Variants in RBFOX1 observed in about 807,000 individuals in gnomAD.
RBFOX1 encodes RNA binding protein fox-1 homolog 1.
In RBFOX1, 8 loss-of-function variants were observed where a neutral mutation model predicts 57.7. The observed-to-expected ratio is 0.14, with a 90% confidence interval of 0.08 to 0.25. The LOEUF is 0.25. Among genes scored for constraint, RBFOX1 ranks in the 10% least tolerant of loss-of-function variants. The pLI, the probability that RBFOX1 is intolerant of heterozygous loss-of-function variation, is 1.00. For missense variants in RBFOX1, 611 were observed against 548.5 expected, an observed-to-expected ratio of 1.11 and a Z score of -1.14; for synonymous variants, 326 against 222.4, an observed-to-expected ratio of 1.47 and a Z score of -4.15.
At chr16:6,718,433 G>A (rs2065267422) in intron 3 of RBFOX1, among the ~76,000 whole-genome samples, 1 of 152,206 alleles carries the variant, frequency 6.6e-6, no homozygotes, top group Non-Finnish European at 1.5e-5. Context: ...AGTCCACAAG[G>A]TAATGCGAGT....
intron 4 of RBFOX1, among the ~76,000 whole-genome samples, chr16:7,155,675 G>A (rs1279559049): frequency 2.5e-5 from 3 of 118,496 alleles, no homozygotes; most frequent in African/African-American, 1.0e-4. Flanking sequence ...TCAGCCACTT[G>A]CCTTCCTCCC....
chr16:6,349,269 C>T (rs190621546), intron 2 of RBFOX1, among the ~76,000 whole-genome samples: 21 of 152,258 alleles, frequency 1.4e-4, no homozygotes, highest in Non-Finnish European at 2.2e-4. Flanking sequence ...ACCTAGCCGA[C>T]GACTTGAGTG....
At chr16:5,542,580 C>A (rs569088117) in intron 2 of RBFOX1, among the ~76,000 whole-genome samples, 27 of 152,090 alleles carry the variant, frequency 1.8e-4, no homozygotes, top group Non-Finnish European at 3.5e-4. Context: ...TTACTGAATA[C>A]ATCTACCTTG....
At chr16:5,699,051 G>A (rs1025640987) in intron 3 of RBFOX1, among the ~76,000 whole-genome samples, 1 of 143,904 alleles carries the variant, frequency 6.9e-6, no homozygotes, top group Non-Finnish European at 1.5e-5. Flanking sequence ...GCGATGGCAT[G>A]ATCTCGGCTC....
At chr16:5,537,359 T>C (rs1597441436) in intron 2 of RBFOX1, among the ~76,000 whole-genome samples, 1 of 152,210 alleles carries the variant, frequency 6.6e-6, no homozygotes, top group Admixed American at 6.5e-5. Context: ...AAATAGGTAT[T>C]AGTTTTCTAT....
At chr16:6,477,715 G>A (rs1330638875) in intron 2 of RBFOX1, among the ~76,000 whole-genome samples, 3 of 152,164 alleles carry the variant, frequency 2.0e-5, no homozygotes, top group Admixed American at 6.5e-5. Context: ...TTAAAGCCAG[G>A]TGTTGACTTC....
At chr16:5,410,413 G>T (rs1014779884) in intron 1 of RBFOX1, among the ~76,000 whole-genome samples, 7 of 151,950 alleles carry the variant, frequency 4.6e-5, no homozygotes. Flanking sequence ...CATGTCTCTT[G>T]TTGACCAGGG....
rs145698086 is a variant in RBFOX1, at chr16:7,703,296, C to G, written c.996-5760C>G. Among the ~76,000 whole-genome samples the G allele has an allele frequency of 7.2e-4, 109 of 152,334 alleles. No individual in the cohort carries two copies. In the East Asian group the frequency reaches 0.017, roughly 23 times the overall value. ...TGAGACATCCCATTTTGAATGCATA[C>G]TCTGCAGCCCTTCTCTGTGTTGGGA... is the stretch of plus-strand genomic sequence containing the variant. On this transcript the variant is annotated intron_variant, in intron 14 of 15. Coordinates refer to ENST00000550418, the MANE Select transcript of RBFOX1 (RefSeq NM_018723.4).
At chr16:7,112,513 A>T (rs889967635) in intron 4 of RBFOX1, among the ~76,000 whole-genome samples, 1 of 151,992 alleles carries the variant, frequency 6.6e-6, no homozygotes, top group Non-Finnish European at 1.5e-5. Flanking sequence ...AGCCTAACAA[A>T]CATTCTTTTA....
Position 7,126,434 on chromosome 16 carries a change from C to T in RBFOX1, c.27+74336C>T, listed in dbSNP as rs1346369878. On this transcript the variant is annotated intron_variant, in intron 4 of 15. Coordinates refer to ENST00000550418, the MANE Select transcript of RBFOX1 (RefSeq NM_018723.4). ...TGCAGCTCACACAGTAACGTGGCTT[C>T]ACATACAGCTTGGGAAGCACAAAGG... 7 of 228,900 alleles carry T rather than the reference C, an allele frequency of 3.1e-5. No homozygotes were observed. The East Asian group carries it at 5.4e-4, about 18-fold the overall frequency. The allele number at this position is 228,900 out of a possible 1,614,324, so 14.2% of individuals were successfully genotyped here.
At chr16:7,354,041 G>C (rs1474708599) in intron 4 of RBFOX1, among the ~76,000 whole-genome samples, 3 of 151,988 alleles carry the variant, frequency 2.0e-5, no homozygotes, top group African/African-American at 7.2e-5. Context: ...GCATGATCTG[G>C]GCTCGCTGCA....
chr16:6,197,337 C>T (rs1042331252), intron 1 of RBFOX1, among the ~76,000 whole-genome samples: 1 of 152,018 alleles, frequency 6.6e-6, no homozygotes, highest in Admixed American at 6.6e-5. Flanking sequence ...CCCTGGACAC[C>T]CTTCATTCGT....
intron 2 of RBFOX1, among the ~76,000 whole-genome samples, chr16:5,563,854 C>G (rs1416995941): frequency 1.3e-5 from 2 of 152,128 alleles, no homozygotes; most frequent in African/African-American, 4.8e-5. Context: ...CTTCCCATCT[C>G]TAGCTGTTGG....
intron 2 of RBFOX1, among the ~76,000 whole-genome samples, chr16:6,476,011 C>T (rs1409292780): frequency 6.6e-6 from 1 of 152,036 alleles, no homozygotes; most frequent in African/African-American, 2.4e-5. Context: ...TAAACCAAAC[C>T]TTGATGCTTT....
chr16:5,975,403 G>T (rs2060041800), intron 4 of RBFOX1, among the ~76,000 whole-genome samples: 1 of 152,238 alleles, frequency 6.6e-6, no homozygotes, highest in South Asian at 2.1e-4. Flanking sequence ...TGGGTGCCTG[G>T]CTGCTACATT....
At chr16:6,543,478 G>T (rs2096852849) in intron 2 of RBFOX1, among the ~76,000 whole-genome samples, 1 of 152,140 alleles carries the variant, frequency 6.6e-6, no homozygotes, top group Non-Finnish European at 1.5e-5. Context: ...ATGTGGCTCA[G>T]TTTGGGAACC....
intron 3 of RBFOX1, among the ~76,000 whole-genome samples, chr16:6,886,149 C>A (rs1030120244): frequency 6.6e-6 from 1 of 151,406 alleles, no homozygotes; most frequent in Admixed American, 6.6e-5. Context: ...GCATCCTCCG[C>A]CCCCAGGGTT....
chr16:6,256,282 T>C (rs2097666248), intron 1 of RBFOX1, among the ~76,000 whole-genome samples: 1 of 122,452 alleles, frequency 8.2e-6, no homozygotes. Context: ...TATATATATA[T>C]GTGTGTATAT....
At chr16:6,044,385 CT>C (rs1290430211) in intron 1 of RBFOX1, among the ~76,000 whole-genome samples, 1 of 151,970 alleles carries the variant, frequency 6.6e-6, no homozygotes, top group African/African-American at 2.4e-5. Context: ...TGAGTTCCTC[CT>C]GGTGTCTGTT....
Sources: gnomAD v4.1 joint callset for allele counts (sites outside exome capture counted in the v4.1 genomes callset) on GRCh38, gnomAD v4.1.1 for gene constraint, MANE v1.5 for transcripts, NCBI Gene and HGNC (gene_info 2026-07-23, HGNC 2026-07-21) for gene names.